SHC3: variants seen among roughly 807,000 people sequenced by gnomAD.
SHC3 encodes the protein SHC adaptor protein 3.
Under a neutral mutation model 60.4 loss-of-function variants are expected in SHC3, and 15 were observed. That is an observed-to-expected ratio of 0.25 (90% CI 0.17 to 0.38). The LOEUF is 0.38. Ranked by LOEUF, SHC3 falls within the 10% of genes least tolerant of loss-of-function variation. SHC3 has a pLI of 1.00. For synonymous variants in SHC3, 294 were observed against 325.9 expected (o/e 0.90, Z 1.05); for missense variants, 677 against 786.1 (o/e 0.86, Z 1.66).
At chr9:89,086,811 G>C (rs1379545157) in intron 2 of SHC3, among the ~76,000 whole-genome samples, 3 of 152,092 alleles carry the variant, frequency 2.0e-5, no homozygotes, top group Non-Finnish European at 2.9e-5. Context: ...TCTTTTAGTT[G>C]TATGCCAGCA....
chr9:89,015,232 A>ATTG (rs1826074863), intron 11 of SHC3, among the ~76,000 whole-genome samples: 1 of 152,220 alleles, frequency 6.6e-6, no homozygotes, highest in African/African-American at 2.4e-5. Flanking sequence ...TGAGACCAGT[A>ATTG]TTGGGGTGTT....
At chr9:89,156,297 C>T (rs1033484759) in intron 1 of SHC3, among the ~76,000 whole-genome samples, 3 of 152,160 alleles carry the variant, frequency 2.0e-5, no homozygotes, top group African/African-American at 7.2e-5. Flanking sequence ...AGTTCACCAT[C>T]CTGAAGTGGA....
rs996551082 is a variant in SHC3, at chr9:89,129,634, C to A, written c.475-17008G>T. Among the ~76,000 whole-genome samples the A allele has an allele frequency of 3.3e-5, 5 of 152,108 alleles. No individual in the cohort carries two copies. The East Asian group carries it at 9.7e-4, about 29-fold the overall frequency. ...TCTTAAAGAAAAGGATTTTCAACCCCGAATTTCATATCCAGCCAAACTAAG... is the reference window on the plus strand; with the variant it reads ...TCTTAAAGAAAAGGATTTTCAACCCAGAATTTCATATCCAGCCAAACTAAG... On this transcript the variant is annotated intron_variant, in intron 1 of 11. Coordinates refer to ENST00000375835, the MANE Select transcript of SHC3 (RefSeq NM_016848.6).
chr9:89,155,475 A>G (rs1826609307), intron 1 of SHC3, among the ~76,000 whole-genome samples: 1 of 152,078 alleles, frequency 6.6e-6, no homozygotes, highest in African/African-American at 2.4e-5. Flanking sequence ...TCCTTACAGG[A>G]TGTGCGAGTG....
At chr9:89,129,656 T>A (rs182970691) in intron 1 of SHC3, among the ~76,000 whole-genome samples, 1 of 152,118 alleles carries the variant, frequency 6.6e-6, no homozygotes, top group Non-Finnish European at 1.5e-5. Context: ...CCAGCCAAAC[T>A]AAGCTTCATA....
chr9:89,084,295 A>G (rs1825493210), intron 2 of SHC3, among the ~76,000 whole-genome samples: 2 of 152,194 alleles, frequency 1.3e-5, no homozygotes, highest in African/African-American at 4.8e-5. Flanking sequence ...GTGTTTAAAT[A>G]TACACACAGG....
At chr9:89,135,919 C>T (rs2118179598) in intron 1 of SHC3, among the ~76,000 whole-genome samples, 1 of 152,218 alleles carries the variant, frequency 6.6e-6, no homozygotes, top group South Asian at 2.1e-4. Flanking sequence ...GCTTATTTTG[C>T]TTTACTGTTG....
intron 1 of SHC3, among the ~76,000 whole-genome samples, chr9:89,162,608 A>T (rs1446034810): frequency 3.3e-5 from 5 of 151,948 alleles, no homozygotes. Context: ...TGGATTAAAG[A>T]CTTAAACGTT....
At chr9:89,094,426 AG>A (rs984375749) in intron 2 of SHC3, among the ~76,000 whole-genome samples, 3 of 152,114 alleles carry the variant, frequency 2.0e-5, no homozygotes, top group African/African-American at 7.2e-5. Flanking sequence ...GAAGGAAGGC[AG>A]GGGCCCAAGA....
At chr9:89,164,111 A>G (rs930516354) in intron 1 of SHC3, among the ~76,000 whole-genome samples, 1 of 152,126 alleles carries the variant, frequency 6.6e-6, no homozygotes, top group African/African-American at 2.4e-5. Context: ...TCACATATCA[A>G]AATTCATGGT....
chr9:89,127,530 G>A (rs921306620), intron 1 of SHC3, among the ~76,000 whole-genome samples: 4 of 152,160 alleles, frequency 2.6e-5, no homozygotes, highest in African/African-American at 4.8e-5. Flanking sequence ...GGAATTAAAA[G>A]TGGATAGATC....
chr9:89,165,109 A>G (rs1356035819), intron 1 of SHC3, among the ~76,000 whole-genome samples: 1 of 152,248 alleles, frequency 6.6e-6, no homozygotes, highest in South Asian at 2.1e-4. Flanking sequence ...TGAATGCCAA[A>G]AAAAGAGACA....
intron 1 of SHC3, among the ~76,000 whole-genome samples, chr9:89,173,653 T>C (rs1396537923): frequency 6.6e-6 from 1 of 151,876 alleles, no homozygotes; most frequent in Non-Finnish European, 1.5e-5. Context: ...GGTGTGTGTG[T>C]TGTGTGTGTG....
chr9:89,086,495 T>A (rs945038207), intron 2 of SHC3, among the ~76,000 whole-genome samples: 1 of 152,240 alleles, frequency 6.6e-6, no homozygotes, highest in South Asian at 2.1e-4. Flanking sequence ...GGAACTTCCA[T>A]GCCCTCCCAG....
At chr9:89,110,283 AG>A (rs1342927759) in intron 2 of SHC3, 17 of 984,544 alleles carry the variant, frequency 1.7e-5, no homozygotes, top group Non-Finnish European at 1.9e-5. Context: ...ACAGATAATT[AG>A]GGATTAATTA....
intron 11 of SHC3, among the ~76,000 whole-genome samples, chr9:89,025,738 C>T (rs1387368937): frequency 6.6e-6 from 1 of 152,206 alleles, no homozygotes; most frequent in East Asian, 1.9e-4. Flanking sequence ...CATAGCATCA[C>T]ATGACAGATA....
At chr9:89,156,453 T>C (rs944555117) in intron 1 of SHC3, among the ~76,000 whole-genome samples, 11 of 152,144 alleles carry the variant, frequency 7.2e-5, no homozygotes, top group Non-Finnish European at 1.3e-4. Context: ...GAACCCCTCT[T>C]AGGAGCCTGT....
At chr9:89,014,272 G>A (rs1826059516) in intron 11 of SHC3, among the ~76,000 whole-genome samples, 2 of 152,192 alleles carry the variant, frequency 1.3e-5, no homozygotes. Context: ...ACTCTGCCCT[G>A]CTTGCTGGCC....
At chr9:89,116,108 G>A (rs530740976) in intron 1 of SHC3, among the ~76,000 whole-genome samples, 1 of 152,254 alleles carries the variant, frequency 6.6e-6, no homozygotes, top group South Asian at 2.1e-4. Flanking sequence ...TGTGATGAAG[G>A]TTGCAGTATG....
Sources: gnomAD v4.1 joint callset for allele counts (sites outside exome capture counted in the v4.1 genomes callset) on GRCh38, gnomAD v4.1.1 for gene constraint, MANE v1.5 for transcripts, NCBI Gene and HGNC (gene_info 2026-07-23, HGNC 2026-07-21) for gene names.